The following CHST11 variants were observed in gnomAD, a reference collection of about 807,000 sequenced individuals.
CHST11 encodes the protein carbohydrate sulfotransferase 11, also known as C4S-1.
In CHST11, 9 loss-of-function variants were observed where a neutral mutation model predicts 30.4. The observed-to-expected ratio is 0.30, with a 90% CI of 0.18 to 0.52. The LOEUF (loss-of-function observed/expected upper bound fraction) is 0.52, where lower values mean the gene tolerates loss of function less well. CHST11 is among the 20% of genes least tolerant of loss of function. The pLI is 0.97. For missense variants in CHST11, 348 were observed against 460.6 expected (o/e 0.76, Z 2.24); for synonymous variants, 152 against 187.8 (o/e 0.81, Z 1.56).
chr12:104,512,374 AT>A (rs2037973651), intron 1 of CHST11, among the ~76,000 whole-genome samples: 1 of 152,140 alleles, frequency 6.6e-6, no homozygotes, highest in African/African-American at 2.4e-5. Flanking sequence ...TTCCACAAAT[AT>A]TTATTATCGA....
At chr12:104,463,760 A>G (rs1246250675) in intron 1 of CHST11, among the ~76,000 whole-genome samples, 1 of 152,182 alleles carries the variant, frequency 6.6e-6, no homozygotes, top group Non-Finnish European at 1.5e-5. Context: ...CTGAGAGCAG[A>G]CACCTGCAGG....
intron 2 of CHST11, among the ~76,000 whole-genome samples, chr12:104,620,982 A>G (rs2039153610): frequency 6.6e-6 from 1 of 152,232 alleles, no homozygotes; most frequent in Non-Finnish European, 1.5e-5. Flanking sequence ...CCCATGGCAA[A>G]TTGCTGCCAT....
chr12:104,546,284 A>G (rs1369837878), intron 1 of CHST11, among the ~76,000 whole-genome samples: 4 of 151,900 alleles, frequency 2.6e-5, no homozygotes. Context: ...AGCCTGGTCA[A>G]CATAACAAGA....
intron 2 of CHST11, among the ~76,000 whole-genome samples, chr12:104,656,171 A>G (rs1455860538): frequency 6.6e-6 from 1 of 152,222 alleles, no homozygotes; most frequent in East Asian, 1.9e-4. Flanking sequence ...TTTGGTGTCC[A>G]CCTCGAATCA....
intron 1 of CHST11, among the ~76,000 whole-genome samples, chr12:104,497,330 T>G (rs894895861): frequency 5.3e-5 from 8 of 152,160 alleles, no homozygotes; most frequent in African/African-American, 1.7e-4. Flanking sequence ...ACCACGGTTG[T>G]GCACGCACAG....
intron 1 of CHST11, among the ~76,000 whole-genome samples, chr12:104,535,093 ATGT>A (rs1430684782): frequency 6.6e-6 from 1 of 152,218 alleles, no homozygotes; most frequent in African/African-American, 2.4e-5. Context: ...CTGTTTCTTC[ATGT>A]TGTAAGAAAA....
At chr12:104,522,102 C>T (rs1704910) in intron 1 of CHST11, among the ~76,000 whole-genome samples, 120,969 of 152,160 alleles carry the variant, frequency 0.8, 48,260 homozygotes, top group Admixed American at 0.86. Context: ...CAAGAAATTC[C>T]TTATGCCGGC....
At chr12:104,513,206 G>A (rs891295699) in intron 1 of CHST11, among the ~76,000 whole-genome samples, 6 of 147,632 alleles carry the variant, frequency 4.1e-5, no homozygotes, top group African/African-American at 1.5e-4. Flanking sequence ...TTTGAAACTT[G>A]AAACACAGAA....
intron 1 of CHST11, among the ~76,000 whole-genome samples, chr12:104,510,413 T>A (rs2037952888): frequency 1.3e-5 from 2 of 152,224 alleles, no homozygotes; most frequent in African/African-American, 4.8e-5. Context: ...AAGATAAGAA[T>A]GTTACTTCGT....
chr12:104,599,654 C>T (rs1226270140), intron 1 of CHST11, among the ~76,000 whole-genome samples: 1 of 152,164 alleles, frequency 6.6e-6, no homozygotes, highest in Admixed American at 6.5e-5. Flanking sequence ...ACAGCCTGAT[C>T]AAATTCTAAT....
chr12:104,723,082 G>A (rs1287290790), intron 2 of CHST11, among the ~76,000 whole-genome samples: 1 of 151,992 alleles, frequency 6.6e-6, no homozygotes, highest in Non-Finnish European at 1.5e-5. Flanking sequence ...CAGGACTGAG[G>A]CCCTGTGGCT....
At chr12:104,658,643 T>C (rs559794054) in intron 2 of CHST11, among the ~76,000 whole-genome samples, 68 of 152,270 alleles carry the variant, frequency 4.5e-4, no homozygotes, top group Non-Finnish European at 7.4e-4. Context: ...CCTAGCGCCT[T>C]GATGATTGGC....
intron 2 of CHST11, among the ~76,000 whole-genome samples, chr12:104,735,788 C>G (rs1012295719): frequency 3.3e-5 from 5 of 152,208 alleles, no homozygotes; most frequent in Non-Finnish European, 7.3e-5. Flanking sequence ...GCTCAGGCAT[C>G]TGCGCTTTCC....
At chr12:104,617,034 T>C (rs2039114562) in intron 2 of CHST11, among the ~76,000 whole-genome samples, 1 of 152,132 alleles carries the variant, frequency 6.6e-6, no homozygotes, top group Admixed American at 6.5e-5. Context: ...GGCAGGGAGC[T>C]GGAGTCCCAA....
rs542734197 is a variant in CHST11, at chr12:104,713,613, CT to C, written c.205-43335del. 2.6e-4 allele frequency among the ~76,000 whole-genome samples: 39 copies of C among 152,322 alleles called. 1 individual carries two copies. In the South Asian group the frequency reaches 2.9e-3, roughly 11 times the overall value. ...GAGCCGATACCTGGCTCTGCACCTC[CT>C]CCCAAAGGAGTCCTGCTGGTGAAGG... is the stretch of plus-strand genomic sequence containing the variant. On this transcript the variant is annotated intron_variant, in intron 2 of 2. Transcript: ENST00000303694.
chr12:104,630,806 T>C (rs1023302318), intron 2 of CHST11, among the ~76,000 whole-genome samples: 8 of 152,212 alleles, frequency 5.3e-5, no homozygotes, highest in African/African-American at 1.2e-4. Flanking sequence ...TTTAAATCAA[T>C]TGATATCTCT....
chr12:104,630,449 A>T (rs10507179), intron 2 of CHST11, among the ~76,000 whole-genome samples: 42,341 of 152,202 alleles, frequency 0.28, 6,336 homozygotes, highest in Admixed American at 0.38. Flanking sequence ...AACCATAAAG[A>T]TGAGGATAAT....
At chr12:104,622,204 A>T (rs1371483350) in intron 2 of CHST11, among the ~76,000 whole-genome samples, 1 of 152,248 alleles carries the variant, frequency 6.6e-6, no homozygotes, top group Non-Finnish European at 1.5e-5. Flanking sequence ...AGTTTTGTGG[A>T]TAACCAAAAT....
chr12:104,541,354 G>A (rs1312271761), intron 1 of CHST11, among the ~76,000 whole-genome samples: 2 of 151,782 alleles, frequency 1.3e-5, no homozygotes, highest in Non-Finnish European at 2.9e-5. Flanking sequence ...CCCTTTTGGG[G>A]GTATTTCTTC....
Sources: allele counts gnomAD v4.1 joint callset (sites outside exome capture counted in the v4.1 genomes callset), GRCh38; gene constraint gnomAD v4.1.1; transcripts MANE v1.5; gene names NCBI Gene and HGNC (gene_info 2026-07-23, HGNC 2026-07-21).